The following VWA2 variants were observed in gnomAD, a reference collection of about 807,000 sequenced individuals.
VWA2 encodes von Willebrand factor A domain containing 2, also known as von Willebrand factor A domain-containing protein 2.
VWA2 carries 73 observed loss-of-function variants against 70.4 expected under a neutral mutation model. That is an observed-to-expected ratio of 1.04 (90% CI 0.86 to 1.26). The LOEUF (loss-of-function observed/expected upper bound fraction) is 1.26, where lower values mean the gene tolerates loss of function less well. Ranked by LOEUF, VWA2 falls within the 50% of genes most tolerant of loss-of-function variation. The pLI, the probability that VWA2 is intolerant of heterozygous loss-of-function variation, is 0.00. For synonymous variants in VWA2, 407 were observed against 423.3 expected, an observed-to-expected ratio of 0.96 and a Z score of 0.47; for missense variants, 1,011 against 998.5, an observed-to-expected ratio of 1.01 and a Z score of -0.17.
chr10:114,290,164 G>C, intron 12 of VWA2, 76 bp from the exon 13 acceptor site: 1 of 1,525,916 alleles, frequency 6.6e-7, no homozygotes, highest in Non-Finnish European at 8.9e-7. Context: ...ACCTCTACTG[G>C]GCTTACTTAG....
Position 114,291,368 on chromosome 10 carries a change from G to A in VWA2, c.*131G>A, listed in dbSNP as rs959156537. 61 of 1,131,410 alleles carry A rather than the reference G, an allele frequency of 5.4e-5. No homozygotes were observed. Among genetic ancestry groups the A allele is most frequent in the Non-Finnish European group, 6.1e-5 (50 of 820,980 alleles). The allele number at this position is 1,131,410 out of a possible 1,614,324, so 70.1% of individuals were successfully genotyped here. On this transcript the variant is annotated 3_prime_UTR_variant, in exon 14 of 14. Coordinates refer to ENST00000392982, the MANE Select transcript of VWA2 (RefSeq NM_001272046.2). The stretch of plus-strand genomic sequence containing the variant: ...CAGGTCCTTAGAATGTCTGCTTCCC[G>A]CCGTGGCCAGGACCACTATTCTCAC...
In VWA2 at chr10:114,292,200, C is replaced by T. The variant is rs1204522283; in HGVS notation, c.*963C>T. Among the ~76,000 whole-genome samples, 1 of 151,950 alleles carries T rather than the reference C, an allele frequency of 6.6e-6. No homozygotes were observed. The highest frequency in any genetic ancestry group is 1.5e-5 in the Non-Finnish European group (1 of 68,006). On this transcript the variant is annotated 3_prime_UTR_variant, in exon 14 of 14. Transcript: ENST00000392982. ...GCTGAGACAGGAGAATGGCTTGAAC[C>T]TGGGAGGCGGAAGTTACAGTGAGCC...
At position 114,291,237 on chromosome 10, in the gene VWA2, A is replaced by AG; in HGVS notation, c.*2dup. On this transcript the variant is annotated 3_prime_UTR_variant, in exon 14 of 14. Coordinates refer to ENST00000392982, the MANE Select transcript of VWA2 (RefSeq NM_001272046.2). ...CCCCAGGATTCTTGAGACGCCCCTG[A>AG]GGCACATGGCTCCCGTGCAGGAGGG... 1 of 1,550,388 alleles carries AG rather than the reference A, an allele frequency of 6.4e-7. No homozygotes were observed. Among genetic ancestry groups the AG allele is most frequent in the Non-Finnish European group, 8.7e-7 (1 of 1,146,898 alleles).
In VWA2 at chr10:114,286,250, G is replaced by A. The variant is rs763421639; in HGVS notation, c.1309G>A (p.Ala437Thr). The A allele has an allele frequency of 3.3e-5, 53 of 1,612,774 alleles. No homozygotes were observed. Among genetic ancestry groups the A allele is most frequent in the East Asian group, 3.1e-4 (14 of 44,864 alleles). ...GGCGGCAGAGCGTGGCTTCGGGAGC[G>A]CCACCAGGACAGGCCAGGACCGGCC... is the stretch of plus-strand genomic sequence containing the variant. The part of the protein sequence containing the change: ...RQAAERGFGS[A>T]TRTGQDRPRR... The change falls in exon 11 of 14, where the codon GCC becomes ACC. Residue 437 changes from alanine (A) to threonine (T), a missense_variant. Coordinates refer to ENST00000392982, the MANE Select transcript of VWA2 (RefSeq NM_001272046.2).
chr10:114,278,070 G>A, intron 7 of VWA2, 23 bp downstream of exon 7: 1 of 1,599,854 alleles, frequency 6.3e-7, no homozygotes. Flanking sequence ...AGCCTGGAGG[G>A]AGTGGAAGTG....
chr10:114,273,563 G>A (rs2037757464), intron 6 of VWA2, among the ~76,000 whole-genome samples: 2 of 152,186 alleles, frequency 1.3e-5, no homozygotes, highest in Non-Finnish European at 2.9e-5. Context: ...TAGAAGAGAG[G>A]AGGGTACAGA....
Position 114,277,921 on chromosome 10 carries a change from G to A in VWA2, c.574G>A (p.Glu192Lys). 6.2e-7 allele frequency: 1 copy of A among 1,607,972 alleles called. No homozygotes were observed. The highest frequency in any genetic ancestry group is 8.5e-7 in the Non-Finnish European group (1 of 1,176,712). Residue 192 changes from glutamate to lysine, a missense_variant, in exon 7 of 14, where the codon GAG becomes AAG. Glu to Lys is a moderately conservative substitution (Grantham distance 56, BLOSUM62 1). Transcript: ENST00000392982. ...TACAACCCCTTGGCACAGGTGGGAG[G>A]AGCTGCATGCACTGGCCAGCGAGCC... ...AVGVRFPRWE[E>K]LHALASEPRG...
chr10:114,284,797 T>C lies in VWA2; in HGVS notation c.890-66T>C. On this transcript the variant is annotated intron_variant, in intron 9 of 13. Coordinates refer to ENST00000392982, the MANE Select transcript of VWA2 (RefSeq NM_001272046.2). ...GCAGGAAGCCAGCTGCACCCACACC[T>C]CTGGCCAGTCCTCTCCACTCCTCTG... 4 of 1,471,948 alleles carry C rather than the reference T, an allele frequency of 2.7e-6. No individual in the cohort carries two copies. The Admixed American group carries it at 8.7e-5, about 32-fold the overall frequency. The allele number at this position is 1,471,948 out of a possible 1,614,324, so 91.2% of individuals were successfully genotyped here.
At chr10:114,255,150 G>A in intron 4 of VWA2, 102 bp downstream of exon 4, 1 of 1,469,164 alleles carries the variant, frequency 6.8e-7, no homozygotes, top group Non-Finnish European at 9.3e-7. Context: ...TTGTGGAGCT[G>A]GGAAGACCAA....
chr10:114,268,452 A>G (rs534906097), intron 5 of VWA2, among the ~76,000 whole-genome samples: 88 of 151,878 alleles, frequency 5.8e-4, no homozygotes, highest in Non-Finnish European at 1.1e-3. Flanking sequence ...CCTTCTCTGG[A>G]CTCTCCTATT....
At chr10:114,266,673 T>C (rs1206985420) in intron 5 of VWA2, among the ~76,000 whole-genome samples, 2 of 152,220 alleles carry the variant, frequency 1.3e-5, no homozygotes, top group Non-Finnish European at 2.9e-5. Context: ...GGTTCCTGAA[T>C]GCACAGAGCT....
chr10:114,246,537 G>A, intron 1 of VWA2: 9 of 819,156 alleles, frequency 1.1e-5, no homozygotes, highest in Non-Finnish European at 1.8e-5. Context: ...GAGTATCATG[G>A]GTTGAATTCA....
chr10:114,263,328 ATTTTTTTT>A (rs35723083), intron 5 of VWA2, among the ~76,000 whole-genome samples: 2 of 76,126 alleles, frequency 2.6e-5, no homozygotes, highest in African/African-American at 1.1e-4. Context: ...AATCTCCCCC[ATTTTTTTT>A]TTTTTTTTTT....
chr10:114,291,918 G>T lies in VWA2; in HGVS notation c.*681G>T, dbSNP rs1490088993. On this transcript the variant is annotated 3_prime_UTR_variant, in exon 14 of 14. Coordinates refer to ENST00000392982, the MANE Select transcript of VWA2 (RefSeq NM_001272046.2). ...GGGGCTGAGTGTGCAATGGGCCCAG[G>T]TCTGGAGGGGCCACGTAAAATCGTT... is the stretch of plus-strand genomic sequence containing the variant. Among the ~76,000 whole-genome samples, 1 of 152,186 alleles carries T rather than the reference G, an allele frequency of 6.6e-6. No homozygotes were observed. Among genetic ancestry groups the T allele is most frequent in the African/African-American group, 2.4e-5 (1 of 41,426 alleles).
chr10:114,249,979 C>G (rs2037161749), intron 2 of VWA2, among the ~76,000 whole-genome samples: 1 of 152,108 alleles, frequency 6.6e-6, no homozygotes, highest in Non-Finnish European at 1.5e-5. Context: ...CAAAAACATT[C>G]TGAATTATGT....
In VWA2 at chr10:114,248,735, G is replaced by T; in HGVS notation, c.22G>T (p.Glu8Ter). The T allele has an allele frequency of 6.2e-7, 1 of 1,613,742 alleles. No homozygotes were observed. Among genetic ancestry groups the T allele is most frequent in the East Asian group, 2.2e-5 (1 of 44,872 alleles). ...CAACATGCCCCCTTTCCTGTTGCTG[G>T]AAGCCGTCTGTGTTTTCCTGTTTTC... MPPFLLL[E>*]AVCVFLFSRV... The change falls in exon 2 of 14, where the codon GAA becomes TAA. Residue 8 changes from glutamate to a stop codon, truncating the protein, a stop_gained. Transcript: ENST00000392982. LOFTEE classifies it high-confidence loss of function.
intron 12 of VWA2, 138 bp from the exon 13 acceptor site, chr10:114,290,102 C>A: frequency 8.4e-7 from 1 of 1,190,036 alleles, no homozygotes; most frequent in East Asian, 2.6e-5. Context: ...TGGTATGCAG[C>A]ACCAACCATG....
At chr10:114,289,568 G>A (rs751006561) in intron 12 of VWA2, 79 bp downstream of exon 12, 1 of 1,520,268 alleles carries the variant, frequency 6.6e-7, no homozygotes, top group East Asian at 2.3e-5. Context: ...ATCATGACGA[G>A]GATGGCAGCT....
chr10:114,288,835 C>T (rs2039226803), intron 11 of VWA2, 103 bp from the exon 12 acceptor site: 2 of 1,238,982 alleles, frequency 1.6e-6, no homozygotes, highest in Non-Finnish European at 2.3e-6. Context: ...GAACAGAGCA[C>T]CCTGGCTGAC....
Sources: allele counts gnomAD v4.1 joint callset (sites outside exome capture counted in the v4.1 genomes callset), GRCh38; gene constraint gnomAD v4.1.1; transcripts MANE v1.5; gene names NCBI Gene and HGNC (gene_info 2026-07-23, HGNC 2026-07-21).